Variants in KLF11 observed in about 807,000 individuals in gnomAD.
KLF11 encodes the protein Krueppel-like factor 11.
A neutral mutation model predicts 29.9 loss-of-function variants in KLF11; 26 were observed. The observed-to-expected ratio is 0.87, with a 90% CI of 0.64 to 1.21. KLF11 has a LOEUF of 1.21. Ranked by LOEUF, KLF11 falls within the 50% of genes most tolerant of loss-of-function variation. The probability of loss-of-function intolerance (pLI) is 0.00; values close to 1 mark genes in which losing one functional copy is unlikely to be tolerated. For missense variants in KLF11, 778 were observed against 665.7 expected, an observed-to-expected ratio of 1.17 and a Z score of -1.86; for synonymous variants, 318 against 257.4, an observed-to-expected ratio of 1.24 and a Z score of -2.25.
chr2:10,048,419 C>T lies in KLF11; in HGVS notation c.1082C>T (p.Ala361Val). ...CCCTGTGCAGCCAATGTCATGGCTG[C>T]CGGGAATACCAAGTTGTTGCCCCTT... ...PAPCAANVMA[A>V]GNTKLLPLAP... Residue 361 changes from alanine (A) to valine (V), a missense_variant, in exon 3 of 4, where the codon GCC becomes GTC. Ala to Val is a moderately conservative substitution (Grantham distance 64). Coordinates refer to ENST00000305883, the MANE Select transcript of KLF11 (RefSeq NM_003597.5). The T allele has an allele frequency of 3.1e-6, 5 of 1,614,100 alleles. No homozygotes were observed. The highest frequency in any genetic ancestry group is 1.1e-5 in the South Asian group (1 of 91,080).
At chr2:10,051,277 C>T (rs1257793478) in intron 3 of KLF11, among the ~76,000 whole-genome samples, 1 of 151,498 alleles carries the variant, frequency 6.6e-6, no homozygotes, top group African/African-American at 2.4e-5. Flanking sequence ...GGCGCGATCT[C>T]CGCTCATTGC....
chr2:10,043,998 C>T lies in KLF11; in HGVS notation c.42+240C>T, dbSNP rs930102567. 10 of 808,118 alleles carry T rather than the reference C, an allele frequency of 1.2e-5. No individual in the cohort carries two copies. The African/African-American group carries it at 1.7e-4, about 14-fold the overall frequency. 50.1% of individuals were successfully genotyped at this position (808,118 alleles called of 1,614,324 possible). On this transcript the variant is annotated intron_variant, in intron 1 of 3. Transcript: ENST00000305883. ...GTTCCCCGCGCAGCTTTGTCTTGCG[C>T]TTCCTGGGCGGCCCCGCCCCGCTGG...
chr2:10,053,355 T>C lies in KLF11; in HGVS notation c.*848T>C. 2.5e-6 allele frequency: 1 copy of C among 398,624 alleles called. No homozygotes were observed. Among genetic ancestry groups the C allele is most frequent in the Admixed American group, 4.4e-5 (1 of 22,728 alleles). 24.7% of individuals were successfully genotyped at this position (398,624 alleles called of 1,614,324 possible). ...AGCCATTCAGTTTCTTGTTTGTACC[T>C]AAAACACCAAAAAAGAAACACTCAA... On this transcript the variant is annotated 3_prime_UTR_variant, in exon 4 of 4. Coordinates refer to ENST00000305883, the MANE Select transcript of KLF11 (RefSeq NM_003597.5).
At position 10,050,816 on chromosome 2, in the gene KLF11, A is replaced by T. The variant is rs564654162; in HGVS notation, c.1259-1411A>T. ...AAACTGGGCAAGTTTACCTTGGATAAGATTGCTTTTTATATATATTTCTGC... is the reference window on the plus strand; with the variant it reads ...AAACTGGGCAAGTTTACCTTGGATATGATTGCTTTTTATATATATTTCTGC... On this transcript the variant is annotated intron_variant, in intron 3 of 3. Transcript: ENST00000305883. Among the ~76,000 whole-genome samples the T allele has an allele frequency of 2.0e-5, 3 of 148,884 alleles. No individual in the cohort carries two copies. In the East Asian group the frequency reaches 6.0e-4, roughly 30 times the overall value.
At chr2:10,046,801 G>A (rs1661220038) in intron 2 of KLF11, among the ~76,000 whole-genome samples, 1 of 152,172 alleles carries the variant, frequency 6.6e-6, no homozygotes, top group South Asian at 2.1e-4. Context: ...GTTGCAGTGA[G>A]CCGAGATCGT....
At position 10,043,774 on chromosome 2, in the gene KLF11, G is replaced by A. The variant is rs1186989601; in HGVS notation, c.42+16G>A. 2.2e-6 allele frequency: 3 copies of A among 1,371,080 alleles called. No homozygotes were observed. The highest frequency in any genetic ancestry group is 1.3e-5 in the South Asian group (1 of 78,394). 84.9% of individuals were successfully genotyped at this position (1,371,080 alleles called of 1,614,324 possible). ...CGCGCGCGCAGTGAGTGGTGGGGCT[G>A]CCGCGGCGGGACTACTCGTCTGAGC... On this transcript the variant is annotated intron_variant, in intron 1 of 3. Coordinates refer to ENST00000305883, the MANE Select transcript of KLF11 (RefSeq NM_003597.5).
rs1398118753 is a variant in KLF11, at chr2:10,047,929, T to C, written c.592T>C (p.Ser198Pro). The C allele has an allele frequency of 1.9e-6, 3 of 1,613,846 alleles. No individual in the cohort carries two copies. Among genetic ancestry groups the C allele is most frequent in the Admixed American group, 3.3e-5 (2 of 60,022 alleles). ...PTIQTPDCRL[S>P]DSREGEEQLL... ...CATCCAGACTCCAGATTGCCGGCTT[T>C]CTGACAGCAGAGAAGGAGAAGAGCA... Residue 198 changes from serine to proline, a missense_variant, in exon 3 of 4, where the codon TCT becomes CCT. Ser to Pro is a moderately conservative substitution (Grantham distance 74). Transcript: ENST00000305883.
rs1283372915 is a variant in KLF11, at chr2:10,054,577, G to C, written c.*2070G>C. 1 of 152,656 alleles carries C rather than the reference G, an allele frequency of 6.6e-6. No homozygotes were observed. The highest frequency in any genetic ancestry group is 6.5e-5 in the Admixed American group (1 of 15,286). The allele number at this position is 152,656 out of a possible 1,614,324, so 9.5% of individuals were successfully genotyped here. A position where few individuals can be genotyped will look rare whatever the true frequency, so the allele number is the denominator to read the frequency against. On this transcript the variant is annotated 3_prime_UTR_variant, in exon 4 of 4. Coordinates refer to ENST00000305883, the MANE Select transcript of KLF11 (RefSeq NM_003597.5). ...AACTCTTCTGAGAACCACAAACCTT[G>C]TGTATGGATTCGGCATGGAGCCCTC... is the stretch of plus-strand genomic sequence containing the variant.
At chr2:10,044,616 A>G (rs1455389735) in intron 1 of KLF11, among the ~76,000 whole-genome samples, 1 of 149,570 alleles carries the variant, frequency 6.7e-6, no homozygotes, top group African/African-American at 2.5e-5. Context: ...TAGAGAGGAA[A>G]CGTGTATCTT....
chr2:10,052,947 T>C lies in KLF11; in HGVS notation c.*440T>C, dbSNP rs537266121. On this transcript the variant is annotated 3_prime_UTR_variant, in exon 4 of 4. Transcript: ENST00000305883. ...TTCTAGCTAGATCATTTTGCAGCCT[T>C]CTTTTCAGTGTTTAATAACAAAGTT... 3 of 338,510 alleles carry C rather than the reference T, an allele frequency of 8.9e-6. No individual in the cohort carries two copies. The highest frequency in any genetic ancestry group is 2.3e-4 in the South Asian group (2 of 8,818). 21.0% of individuals were successfully genotyped at this position (338,510 alleles called of 1,614,324 possible). A position where few individuals can be genotyped will look rare whatever the true frequency, so the allele number is the denominator to read the frequency against.
intron 3 of KLF11, among the ~76,000 whole-genome samples, chr2:10,051,552 G>C (rs1203551407): frequency 6.7e-6 from 1 of 149,348 alleles, no homozygotes; most frequent in Non-Finnish European, 1.5e-5. Flanking sequence ...GGAGTCTCCT[G>C]TGTCGCCCAG....
chr2:10,043,803 G>A lies in KLF11; in HGVS notation c.42+45G>A, dbSNP rs908903759. On this transcript the variant is annotated intron_variant, in intron 1 of 3. Transcript: ENST00000305883. ...CGGCGGGACTACTCGTCTGAGCGAG[G>A]GGCGAGGCGGGGGAAGTGGTGCGGC... 2.9e-5 allele frequency: 39 copies of A among 1,338,700 alleles called. No individual in the cohort carries two copies. The African/African-American group carries it at 4.8e-4, about 17-fold the overall frequency. The allele number at this position is 1,338,700 out of a possible 1,614,324, so 82.9% of individuals were successfully genotyped here. A position where few individuals can be genotyped will look rare whatever the true frequency, so the allele number is the denominator to read the frequency against.
chr2:10,048,567 C>CCT lies in KLF11; in HGVS notation c.1231_1232dup (p.Lys412LeufsTer59). ...GGAAGACCTACTTCAAAAGTTCCCA[C>CCT]CTTAAGGCCCATCTTCGCACTCACA... On this transcript the variant is annotated frameshift_variant, in exon 3 of 4. Transcript: ENST00000305883. LOFTEE classifies it high-confidence loss of function. 1 of 1,605,770 alleles carries CCT rather than the reference C, an allele frequency of 6.2e-7. No individual in the cohort carries two copies. Among genetic ancestry groups the CCT allele is most frequent in the Non-Finnish European group, 8.5e-7 (1 of 1,179,900 alleles).
intron 3 of KLF11, among the ~76,000 whole-genome samples, chr2:10,048,950 T>C (rs547842056): frequency 1.3e-5 from 2 of 148,800 alleles, no homozygotes; most frequent in South Asian, 4.3e-4. Flanking sequence ...ATGCATTCAT[T>C]CACATTTAGT....
chr2:10,048,608 G>A lies in KLF11; in HGVS notation c.1258+13G>A, dbSNP rs2125279769. ...CGCACTCACACAGGTAAGCGCTGGG[G>A]CAGGTGGGGCATTGGGCACACCAGA... is the stretch of plus-strand genomic sequence containing the variant. On this transcript the variant is annotated intron_variant, in intron 3 of 3. Coordinates refer to ENST00000305883, the MANE Select transcript of KLF11 (RefSeq NM_003597.5). 1.9e-6 allele frequency: 3 copies of A among 1,581,126 alleles called. No individual in the cohort carries two copies. The highest frequency in any genetic ancestry group is 2.6e-6 in the Non-Finnish European group (3 of 1,162,536).
chr2:10,043,958 G>C (rs6709705), intron 1 of KLF11, 200 bp downstream of exon 1: 1 of 935,144 alleles, frequency 1.1e-6, no homozygotes, highest in African/African-American at 1.8e-5. Flanking sequence ...GTCGGCGGGG[G>C]CGAGGAGGGG....
intron 3 of KLF11, 91 bp downstream of exon 3, chr2:10,048,686 G>A: frequency 1.0e-6 from 1 of 957,170 alleles, no homozygotes; most frequent in South Asian, 1.3e-5. Flanking sequence ...AGGGGATCAT[G>A]AGAACCCCTG....
chr2:10,050,269 T>G (rs561567296), intron 3 of KLF11, among the ~76,000 whole-genome samples: 23 of 150,598 alleles, frequency 1.5e-4, no homozygotes, highest in Non-Finnish European at 1.0e-4. Context: ...TAGCTGGGCC[T>G]TCTGGCGCAT....
rs1661250894 is a variant in KLF11 at position 10,047,631 on chromosome 2, A to G, written c.313-19A>G. ...TTAAAATTTAAAGCAACCTTTTAACATGGTACTTTTTTTTTTAGTGCATAA... is the reference window on the plus strand; with the variant it reads ...TTAAAATTTAAAGCAACCTTTTAACGTGGTACTTTTTTTTTTAGTGCATAA... On this transcript the variant is annotated intron_variant, in intron 2 of 3. Transcript: ENST00000305883. 3.8e-6 allele frequency: 6 copies of G among 1,595,368 alleles called. No homozygotes were observed. Among genetic ancestry groups the G allele is most frequent in the Non-Finnish European group, 4.3e-6 (5 of 1,165,260 alleles).
Sources: allele counts gnomAD v4.1 joint callset (sites outside exome capture counted in the v4.1 genomes callset), GRCh38; gene constraint gnomAD v4.1.1; transcripts MANE v1.5; gene names NCBI Gene and HGNC (gene_info 2026-07-23, HGNC 2026-07-21).